Variants in LRRC4C observed in about 807,000 individuals in gnomAD.
The protein encoded by LRRC4C is leucine-rich repeat-containing protein 4C.
Under a neutral mutation model 33.6 loss-of-function variants are expected in LRRC4C, and 5 were observed. The ratio of observed to expected loss-of-function variants is 0.15; its 90% CI spans 0.08 to 0.31. The LOEUF (loss-of-function observed/expected upper bound fraction) is 0.31. Ranked by LOEUF, LRRC4C falls within the 10% of genes least tolerant of loss-of-function variation. The pLI, the probability that LRRC4C is intolerant of heterozygous loss-of-function variation, is 1.00. For missense variants in LRRC4C, 560 were observed against 796.7 expected (o/e 0.70, Z 3.58); for synonymous variants, 329 against 302.0 (o/e 1.09, Z -0.93).
chr11:40,115,542 T>A lies in LRRC4C; in HGVS notation c.751A>T (p.Ile251Leu). 6.2e-7 allele frequency: 1 copy of A among 1,614,192 alleles called. No homozygotes were observed. ...TCAATCACTTGAATCTGGGACTGTA[T>A]CATCCACAGTTTTTGAAGGTGCATC... ...GLMHLQKLWM[I>L]QSQIQVIERN... The change falls in exon 7 of 7, where the codon ATA (isoleucine) becomes TTA (leucine). Residue 251 changes from isoleucine to leucine, a missense_variant. By Grantham distance (5) the Ile-to-Leu change is conservative. Coordinates refer to ENST00000528697, the MANE Select transcript of LRRC4C (RefSeq NM_001258419.2). The surrounding 1 kb of genome is among the most constrained non-coding windows in gnomAD (Gnocchi z 6.7).
intron 1 of LRRC4C, among the ~76,000 whole-genome samples, chr11:41,038,986 T>G (rs1472141902): frequency 6.6e-6 from 1 of 152,210 alleles, no homozygotes; most frequent in Admixed American, 6.5e-5. Flanking sequence ...TTTTGGGGAC[T>G]TAGCCAAAAA....
At chr11:40,454,344 G>C (rs11822290) in intron 3 of LRRC4C, among the ~76,000 whole-genome samples, 1,805 of 152,060 alleles carry the variant, frequency 0.012, 45 homozygotes, top group African/African-American at 0.041. Flanking sequence ...TTTCAAATAT[G>C]AGAGCTATAG....
intron 3 of LRRC4C, among the ~76,000 whole-genome samples, chr11:40,437,678 G>C (rs1355923638): frequency 2.6e-5 from 4 of 151,786 alleles, no homozygotes; most frequent in Non-Finnish European, 5.9e-5. Context: ...ACAGGTGTGA[G>C]CCACCGTTCC....
At chr11:41,240,306 G>C in intron 1 of LRRC4C, among the ~76,000 whole-genome samples, 1 of 152,038 alleles carries the variant, frequency 6.6e-6, no homozygotes, top group East Asian at 1.9e-4. Context: ...CATGCTTTGG[G>C]GAAAATACAA....
At chr11:40,355,994 G>GTATAGTATAGTATAA (rs1352839349) in intron 3 of LRRC4C, among the ~76,000 whole-genome samples, 4 of 151,496 alleles carry the variant, frequency 2.6e-5, no homozygotes, top group African/African-American at 9.7e-5. Flanking sequence ...GTATAGTATA[G>GTATAGTATAGTATAA]TATGAGATTA....
chr11:40,524,203 A>G (rs1955943425), intron 3 of LRRC4C, among the ~76,000 whole-genome samples: 1 of 152,084 alleles, frequency 6.6e-6, no homozygotes. Flanking sequence ...AATCTTTATT[A>G]ATTCAGTATC....
At chr11:41,022,945 C>G (rs578246496) in intron 1 of LRRC4C, among the ~76,000 whole-genome samples, 7 of 152,040 alleles carry the variant, frequency 4.6e-5, no homozygotes, top group Non-Finnish European at 8.8e-5. Flanking sequence ...AGTGCCAGTG[C>G]ACTTTCTCAC....
intron 1 of LRRC4C, among the ~76,000 whole-genome samples, chr11:40,982,253 A>G (rs1450202573): frequency 1.3e-5 from 2 of 152,214 alleles, no homozygotes; most frequent in Non-Finnish European, 2.9e-5. Flanking sequence ...TCAACCATAT[A>G]TCAACTACAT....
At chr11:40,747,674 T>A (rs1948493857) in intron 2 of LRRC4C, among the ~76,000 whole-genome samples, 1 of 151,508 alleles carries the variant, frequency 6.6e-6, no homozygotes, top group African/African-American at 2.4e-5. Context: ...AGAAAATAAT[T>A]TAGGATATGA....
intron 3 of LRRC4C, among the ~76,000 whole-genome samples, chr11:40,574,700 C>G (rs1045376070): frequency 6.6e-6 from 1 of 152,158 alleles, no homozygotes; most frequent in East Asian, 1.9e-4. Context: ...GGAGCTGGCT[C>G]CAATTGCTGG....
chr11:41,362,458 T>C (rs1952388759), intron 1 of LRRC4C, among the ~76,000 whole-genome samples: 1 of 152,098 alleles, frequency 6.6e-6, no homozygotes, highest in Admixed American at 6.6e-5. Flanking sequence ...TGAAAGTCTC[T>C]CTCTTTTTGA....
chr11:41,416,785 T>C (rs1052264694), intron 1 of LRRC4C, among the ~76,000 whole-genome samples: 4 of 152,026 alleles, frequency 2.6e-5, no homozygotes, highest in Non-Finnish European at 5.9e-5. Flanking sequence ...TTCATAGCGC[T>C]GCTATGAGAC....
intron 1 of LRRC4C, among the ~76,000 whole-genome samples, chr11:41,429,314 A>G (rs1354124097): frequency 6.6e-6 from 1 of 152,132 alleles, no homozygotes; most frequent in Non-Finnish European, 1.5e-5. Flanking sequence ...TAAATTATCC[A>G]GTATTGGGTA....
intron 1 of LRRC4C, among the ~76,000 whole-genome samples, chr11:41,229,466 G>A (rs74771034): frequency 0.023 from 3,534 of 152,156 alleles, 60 homozygotes; most frequent in African/African-American, 0.027. Flanking sequence ...CTATAGCAAC[G>A]ATCACCATGT....
intron 1 of LRRC4C, among the ~76,000 whole-genome samples, chr11:41,327,698 C>T (rs777530430): frequency 1.8e-4 from 28 of 152,050 alleles, no homozygotes; most frequent in Non-Finnish European, 2.6e-4. Flanking sequence ...GGAGGGACCC[C>T]GTGGGAGGTA....
At chr11:40,313,936 T>C (rs1945452677) in intron 4 of LRRC4C, among the ~76,000 whole-genome samples, 1 of 152,012 alleles carries the variant, frequency 6.6e-6, no homozygotes, top group Non-Finnish European at 1.5e-5. Flanking sequence ...TTTAGCACAT[T>C]GGTCTGGGAA....
chr11:40,115,431 T>C lies in LRRC4C; in HGVS notation c.862A>G (p.Thr288Ala). ...ATCCGCTCTAGATGATGCAAGGGAGTGAAGAGGTCATGAGGCAGTAATGTT... is the reference window on the plus strand; with the variant it reads ...ATCCGCTCTAGATGATGCAAGGGAGCGAAGAGGTCATGAGGCAGTAATGTT... ...NLTLLPHDLFTPLHHLERIHL... is the reference protein window; with the variant it reads ...NLTLLPHDLFAPLHHLERIHL... The change falls in exon 7 of 7, where the codon ACT becomes GCT. Residue 288 changes from threonine to alanine, a missense_variant. Transcript: ENST00000528697. This position sits in a 1 kb window ranked among gnomAD's most constrained non-coding sequence, Gnocchi z 6.7. 1 of 1,614,064 alleles carries C rather than the reference T, an allele frequency of 6.2e-7. No individual in the cohort carries two copies. The highest frequency in any genetic ancestry group is 8.5e-7 in the Non-Finnish European group (1 of 1,180,004).
At chr11:41,228,101 A>G (rs1947623191) in intron 1 of LRRC4C, among the ~76,000 whole-genome samples, 1 of 145,944 alleles carries the variant, frequency 6.9e-6, no homozygotes, top group African/African-American at 2.5e-5. Flanking sequence ...AGCATATATT[A>G]TATCAGTCTG....
intron 1 of LRRC4C, among the ~76,000 whole-genome samples, chr11:40,961,174 A>T (rs1850954709): frequency 6.6e-6 from 1 of 151,754 alleles, no homozygotes; most frequent in Non-Finnish European, 1.5e-5. Flanking sequence ...CTGATAATAG[A>T]TCAGGTATTA....
Sources: gnomAD v4.1 joint callset for allele counts (sites outside exome capture counted in the v4.1 genomes callset) on GRCh38, gnomAD v4.1.1 for gene constraint, Gnocchi (gnomAD v3.1) non-coding constraint, MANE v1.5 for transcripts, NCBI Gene and HGNC (gene_info 2026-07-23, HGNC 2026-07-21) for gene names.